DNAJC4: variants seen among roughly 807,000 people sequenced by gnomAD.
The protein encoded by DNAJC4 is dnaJ homolog subfamily C member 4.
In DNAJC4, 26 loss-of-function variants were observed where a neutral mutation model predicts 26.8. The ratio of observed to expected loss-of-function variants is 0.97; its 90% confidence interval spans 0.71 to 1.34. The LOEUF is 1.34. DNAJC4 is among the 40% of genes most tolerant of loss of function. The pLI, the probability that DNAJC4 is intolerant of heterozygous loss-of-function variation, is 0.00. For synonymous variants in DNAJC4, 134 were observed against 127.8 expected, an observed-to-expected ratio of 1.05 and a Z score of -0.33; for missense variants, 342 against 321.1, an observed-to-expected ratio of 1.07 and a Z score of -0.50.
intron 4 of DNAJC4, chr11:64,233,665 A>T: frequency 1.7e-6 from 1 of 595,394 alleles, no homozygotes; most frequent in Non-Finnish European, 3.0e-6. Context: ...CCCCATGTCC[A>T]CAGCTGCTGT....
intron 2 of DNAJC4, 177 bp from the exon 3 acceptor site, chr11:64,232,253 G>T: frequency 1.2e-6 from 1 of 829,584 alleles, no homozygotes; most frequent in Non-Finnish European, 1.8e-6. Flanking sequence ...CTTGAACACA[G>T]GAGGAAGCAG....
At position 64,232,543 on chromosome 11, in the gene DNAJC4, G is replaced by C. The variant is rs767413232; in HGVS notation, c.294G>C (p.Gln98His). 5.0e-6 allele frequency: 8 copies of C among 1,613,138 alleles called. No individual in the cohort carries two copies. The East Asian group carries it at 1.6e-4, about 31-fold the overall frequency. The change falls in exon 3 of 6, where the codon CAG becomes CAC. Residue 98 changes from glutamine to histidine, a missense_variant. Physicochemically the swap from Gln to His is conservative, Grantham distance 24. Coordinates refer to ENST00000628077, the MANE Select transcript of DNAJC4 (RefSeq NM_005528.4). ...REQSRRSYDD[Q>H]LRSGSPPKSP... ...AGAGCCGCCGCAGCTATGATGACCA[G>C]CTCCGCTCAGGTAGTCCCCCAAAGT...
intron 2 of DNAJC4, 74 bp downstream of exon 2, chr11:64,232,038 A>G: frequency 6.7e-7 from 1 of 1,486,022 alleles, no homozygotes. Context: ...AATTCCCAGG[A>G]GTAGACCAGC....
Position 64,230,744 on chromosome 11 carries a change from C to T in DNAJC4, c.-111C>T. The T allele has an allele frequency of 7.0e-7, 1 of 1,436,076 alleles. No individual in the cohort carries two copies. Among genetic ancestry groups the T allele is most frequent in the Non-Finnish European group, 9.5e-7 (1 of 1,056,814 alleles). 89.0% of individuals were successfully genotyped at this position (1,436,076 alleles called of 1,614,324 possible). On this transcript the variant is annotated 5_prime_UTR_variant, in exon 1 of 6. It introduces an in-frame stop codon into an upstream open reading frame of the 5' UTR. Coordinates refer to ENST00000628077, the MANE Select transcript of DNAJC4 (RefSeq NM_005528.4). The stretch of plus-strand genomic sequence containing the variant: ...CCGGGCCTGCTTCAGTCTTCCTTTG[C>T]AGAACAACGGGCCAGGCCCCTTCCC...
upstream of DNAJC4, chr11:64,230,540 G>C (rs1467581448): frequency 5.0e-6 from 3 of 603,886 alleles, no homozygotes; most frequent in Admixed American, 7.0e-5. Flanking sequence ...GCGGGGCCTG[G>C]TTGTGGCCCC....
At chr11:64,233,237 CT>C (rs1002009338) in intron 4 of DNAJC4, among the ~76,000 whole-genome samples, 19 of 146,124 alleles carry the variant, frequency 1.3e-4, no homozygotes, top group African/African-American at 1.8e-4. Context: ...CTCTTTTTTT[CT>C]TTTTTTTTTC....
In DNAJC4 at chr11:64,234,163, GC is replaced by G; in HGVS notation, c.709del (p.Arg237GlyfsTer?). On this transcript the variant is annotated frameshift_variant, in exon 6 of 6. Coordinates refer to ENST00000628077, the MANE Select transcript of DNAJC4 (RefSeq NM_005528.4). LOFTEE classifies it high-confidence loss of function. The surrounding 1 kb of genome is among the most constrained non-coding windows in gnomAD (Gnocchi z 5.3). ...AGCCAACCCAAGGCCCCGAGATCGT[GC>G]CCCGGGGCGCCGGCCCCTGAGGGGC... ...SEPTQGPEIV[P>X]RGAGP 1 of 1,573,412 alleles carries G rather than the reference GC, an allele frequency of 6.4e-7. No individual in the cohort carries two copies.
intron 4 of DNAJC4, among the ~76,000 whole-genome samples, chr11:64,233,224 ATTCTC>A (rs906329661): frequency 1.3e-5 from 2 of 151,468 alleles, no homozygotes; most frequent in Non-Finnish European, 1.5e-5. Context: ...GATTCTCTTT[ATTCTC>A]TTTTTTTCTT....
In DNAJC4 at chr11:64,231,927, A is replaced by T. The variant is rs776915753; in HGVS notation, c.143A>T (p.Glu48Val). The change falls in exon 2 of 6, where the codon GAG (glutamate) becomes GTG (valine). Residue 48 changes from glutamate to valine, a missense_variant. By Grantham distance (121) the Glu-to-Val change is moderately radical. Transcript: ENST00000628077. ...GGGGTGCATCCTGGTGCCAGCACTGAGGAAGTTAAACGAGCTTTCTTCTCC... is the reference window on the plus strand; with the variant it reads ...GGGGTGCATCCTGGTGCCAGCACTGTGGAAGTTAAACGAGCTTTCTTCTCC... ...LLGVHPGAST[E>V]EVKRAFFSKS... 3 of 1,614,082 alleles carry T rather than the reference A, an allele frequency of 1.9e-6. No individual in the cohort carries two copies. The highest frequency in any genetic ancestry group is 2.5e-6 in the Non-Finnish European group (3 of 1,179,992).
rs375848421 is a variant in DNAJC4 at position 64,231,934 on chromosome 11, T to G, written c.150T>G (p.Val50=). The change falls in exon 2 of 6, where the codon GTT becomes GTG. Residue 50 remains valine, a synonymous_variant. Coordinates refer to ENST00000628077, the MANE Select transcript of DNAJC4 (RefSeq NM_005528.4). Reference sequence around the variant, plus strand: ...ATCCTGGTGCCAGCACTGAGGAAGTTAAACGAGCTTTCTTCTCCAAGTCCA... The same window carrying G: ...ATCCTGGTGCCAGCACTGAGGAAGTGAAACGAGCTTTCTTCTCCAAGTCCA... The part of the protein sequence containing the change: ...GVHPGASTEE[V]KRAFFSKSKE... The G allele has an allele frequency of 1.5e-5, 24 of 1,613,966 alleles. No homozygotes were observed. The highest frequency in any genetic ancestry group is 2.0e-5 in the Non-Finnish European group (24 of 1,180,018).
At chr11:64,231,813 G>C in intron 1 of DNAJC4, 58 bp from the exon 2 acceptor site, 1 of 1,549,796 alleles carries the variant, frequency 6.5e-7, no homozygotes, top group Non-Finnish European at 8.9e-7. Context: ...CAGAAGGCAG[G>C]GCAGAGCTAG....
Position 64,231,902 on chromosome 11 carries a change from G to T in DNAJC4, c.118G>T (p.Gly40Trp), listed in dbSNP as rs201667418. 2.5e-6 allele frequency: 4 copies of T among 1,613,942 alleles called. No individual in the cohort carries two copies. The highest frequency in any genetic ancestry group is 3.4e-6 in the Non-Finnish European group (4 of 1,180,016). The change falls in exon 2 of 6, where the codon GGG becomes TGG. Residue 40 changes from glycine (G) to tryptophan (W), a missense_variant. Coordinates refer to ENST00000628077, the MANE Select transcript of DNAJC4 (RefSeq NM_005528.4). ...ACCCAGTACTTATTATGAACTGTTG[G>T]GGGTGCATCCTGGTGCCAGCACTGA... ...SRPSTYYELL[G>W]VHPGASTEEV...
chr11:64,231,985 G>C, intron 2 of DNAJC4, 21 bp downstream of exon 2: 1 of 1,612,696 alleles, frequency 6.2e-7, no homozygotes, highest in Non-Finnish European at 8.5e-7. Context: ...CCCTGAGGTG[G>C]GGAGGGGGAG....
intron 1 of DNAJC4, 154 bp from the exon 2 acceptor site, chr11:64,231,717 A>G: frequency 3.1e-6 from 2 of 645,000 alleles, no homozygotes; most frequent in Non-Finnish European, 5.5e-6. Flanking sequence ...AAACACTCCA[A>G]AGGGGGTGCT....
intron 4 of DNAJC4, 151 bp downstream of exon 4, chr11:64,233,016 C>G (rs1189090645): frequency 1.2e-6 from 1 of 853,286 alleles, no homozygotes; most frequent in East Asian, 3.0e-5. Flanking sequence ...GGAGCCTCTC[C>G]TTACTTATTA....
At position 64,231,972 on chromosome 11, in the gene DNAJC4, T is replaced by A; in HGVS notation, c.180+8T>A. 3 of 1,613,370 alleles carry A rather than the reference T, an allele frequency of 1.9e-6. No individual in the cohort carries two copies. Among genetic ancestry groups the A allele is most frequent in the Non-Finnish European group, 2.5e-6 (3 of 1,179,428 alleles). ...TTCTCCAAGTCCAAAGAGGTACCCG[T>A]ACCCCTGAGGTGGGGAGGGGGAGCA... On this transcript the variant is annotated splice_region_variant and intron_variant, in intron 2 of 5. Coordinates refer to ENST00000628077, the MANE Select transcript of DNAJC4 (RefSeq NM_005528.4).
Position 64,234,113 on chromosome 11 carries a change from GGGCAGC to G in DNAJC4, c.662_667del (p.Arg221_Gln222del), listed in dbSNP as rs746532580. On this transcript the variant is annotated inframe_deletion, in exon 6 of 6. Coordinates refer to ENST00000628077, the MANE Select transcript of DNAJC4 (RefSeq NM_005528.4). The surrounding 1 kb of genome is among the most constrained non-coding windows in gnomAD (Gnocchi z 5.3). ...CCTTCAGCAGGAGCGACAACGGCTA[GGGCAGC>G]GGCAGCCGCCACCATCCGAGCCAAC... 70 of 1,604,724 alleles carry G rather than the reference GGGCAGC, an allele frequency of 4.4e-5. No individual in the cohort carries two copies. Among genetic ancestry groups the G allele is most frequent in the Non-Finnish European group, 5.9e-6 (7 of 1,177,226 alleles).
chr11:64,233,741 G>GCC (rs1947207713), intron 4 of DNAJC4, 153 bp from the exon 5 acceptor site: 1 of 1,047,822 alleles, frequency 9.5e-7, no homozygotes, highest in Non-Finnish European at 1.4e-6. Flanking sequence ...GCCACTCTGA[G>GCC]CCCTCCCTAT....
rs1243769668 is a variant in DNAJC4, at chr11:64,232,740, G to T, written c.402G>T (p.Gln134His). ...WTPPNAQYWSQFHSVRPQGPQ... is the reference protein window; with the variant it reads ...WTPPNAQYWSHFHSVRPQGPQ... ...CCCCCAACGCACAGTACTGGTCCCA[G>T]TTTCACAGCGTGAGGCCACAGGGGC... The change falls in exon 4 of 6, where the codon CAG becomes CAT. Residue 134 changes from glutamine to histidine, a missense_variant. Transcript: ENST00000628077. 6.2e-7 allele frequency: 1 copy of T among 1,611,586 alleles called. No individual in the cohort carries two copies. Among genetic ancestry groups the T allele is most frequent in the South Asian group, 1.1e-5 (1 of 90,684 alleles).
Sources: gnomAD v4.1 joint callset for allele counts (sites outside exome capture counted in the v4.1 genomes callset) on GRCh38, gnomAD v4.1.1 for gene constraint, Gnocchi (gnomAD v3.1) non-coding constraint, MANE v1.5 for transcripts, NCBI Gene and HGNC (gene_info 2026-07-23, HGNC 2026-07-21) for gene names.